LRRC4C: variants seen among roughly 807,000 people sequenced by gnomAD.
LRRC4C encodes leucine-rich repeat-containing protein 4C.
Under a neutral mutation model 33.6 loss-of-function variants are expected in LRRC4C, and 5 were observed. The ratio of observed to expected loss-of-function variants is 0.15; its 90% CI spans 0.08 to 0.31. LRRC4C has a LOEUF of 0.31. Among genes scored for constraint, LRRC4C ranks in the 10% least tolerant of loss-of-function variants. The pLI, the probability that LRRC4C is intolerant of heterozygous loss-of-function variation, is 1.00. For missense variants in LRRC4C, 560 were observed against 796.7 expected (o/e 0.70, Z 3.58); for synonymous variants, 329 against 302.0 (o/e 1.09, Z -0.93).
intron 1 of LRRC4C, among the ~76,000 whole-genome samples, chr11:41,052,709 GAAC>G (rs1288991084): frequency 2.0e-5 from 3 of 152,086 alleles, no homozygotes; most frequent in African/African-American, 4.8e-5. Context: ...GATGAAAAGA[GAAC>G]AACATGATTA....
At position 41,457,286 on chromosome 11, in the gene LRRC4C, CCT is replaced by C. The variant is rs1341848551; in HGVS notation, c.-496+2143_-496+2144del. On this transcript the variant is annotated intron_variant, in intron 1 of 6. Transcript: ENST00000528697. ...ATTCCAGAACGACATTTTTAAAGGA[CCT>C]CTCTCTATTCAGAACAGTCCTAACA... 3.3e-5 allele frequency among the ~76,000 whole-genome samples: 5 copies of C among 152,206 alleles called. No individual in the cohort carries two copies. In the East Asian group the frequency reaches 9.7e-4, roughly 29 times the overall value.
chr11:41,097,207 C>T (rs1940864758), intron 1 of LRRC4C, among the ~76,000 whole-genome samples: 1 of 152,102 alleles, frequency 6.6e-6, no homozygotes, highest in Admixed American at 6.6e-5. Flanking sequence ...AACCCTACTA[C>T]AATCAACATA....
chr11:40,434,549 A>G (rs1277387574), intron 3 of LRRC4C, among the ~76,000 whole-genome samples: 1 of 152,022 alleles, frequency 6.6e-6, no homozygotes, highest in Admixed American at 6.6e-5. Context: ...CAGAACAAAA[A>G]CTCCGTGGGG....
intron 2 of LRRC4C, among the ~76,000 whole-genome samples, chr11:40,822,619 G>T (rs933409435): frequency 6.6e-6 from 1 of 151,672 alleles, no homozygotes; most frequent in South Asian, 2.1e-4. Context: ...CTCCCATGCT[G>T]TAGGTTGGCT....
intron 2 of LRRC4C, among the ~76,000 whole-genome samples, chr11:40,926,065 G>T (rs1230286194): frequency 7.9e-6 from 1 of 127,048 alleles, no homozygotes; most frequent in Non-Finnish European, 1.8e-5. Context: ...CAAATCTAAG[G>T]GTTTTTTGTT....
intron 1 of LRRC4C, among the ~76,000 whole-genome samples, chr11:41,231,294 G>C (rs902696823): frequency 3.9e-5 from 6 of 151,980 alleles, no homozygotes; most frequent in African/African-American, 1.2e-4. Flanking sequence ...AAATCATGCT[G>C]CTATAAAGAC....
At chr11:41,378,920 G>GT (rs113076444) in intron 1 of LRRC4C, among the ~76,000 whole-genome samples, 2,851 of 143,134 alleles carry the variant, frequency 0.02, 89 homozygotes, top group African/African-American at 0.064. Context: ...AGCGGGAAGA[G>GT]TTTTTTTTTT....
intron 1 of LRRC4C, among the ~76,000 whole-genome samples, chr11:40,936,496 C>A (rs573688660): frequency 1.1e-4 from 17 of 151,720 alleles, no homozygotes; most frequent in Non-Finnish European, 2.4e-4. Flanking sequence ...GCCACCACAG[C>A]TGGCTAATTT....
chr11:40,985,477 AT>A (rs527492814), intron 1 of LRRC4C, among the ~76,000 whole-genome samples: 2 of 6,072 alleles, frequency 3.3e-4, no homozygotes, highest in African/African-American at 3.5e-4. Context: ...TATAAAGAAC[AT>A]TTTTTTTTTT....
chr11:40,927,244 C>A (rs888782164), intron 2 of LRRC4C, among the ~76,000 whole-genome samples: 1 of 151,702 alleles, frequency 6.6e-6, no homozygotes, highest in East Asian at 1.9e-4. Context: ...TGTGGTGGTG[C>A]GCACCTACAA....
chr11:40,145,760 C>T (rs61911822), intron 5 of LRRC4C, among the ~76,000 whole-genome samples: 3,167 of 152,288 alleles, frequency 0.021, 55 homozygotes, highest in Non-Finnish European at 0.034. Context: ...AACTTGCTCA[C>T]AGAAAAAATT....
chr11:41,082,870 A>G (rs1203808911), intron 1 of LRRC4C, among the ~76,000 whole-genome samples: 2 of 152,130 alleles, frequency 1.3e-5, no homozygotes, highest in African/African-American at 4.8e-5. Flanking sequence ...GTCTCAAAAA[A>G]TAGCTAGGTT....
At chr11:40,233,658 C>A (rs1292573685) in intron 5 of LRRC4C, among the ~76,000 whole-genome samples, 1 of 152,062 alleles carries the variant, frequency 6.6e-6, no homozygotes, top group Admixed American at 6.5e-5. Context: ...TAGTCTAGTA[C>A]AAGAAACAAT....
intron 3 of LRRC4C, among the ~76,000 whole-genome samples, chr11:40,425,209 G>A (rs1484831333): frequency 6.6e-6 from 1 of 152,070 alleles, no homozygotes; most frequent in Non-Finnish European, 1.5e-5. Context: ...AAGAGATCTA[G>A]TAAAATCCAA....
intron 3 of LRRC4C, among the ~76,000 whole-genome samples, chr11:40,614,439 T>TGCTCTGGATTAAGCTTTGGCTTAAGA (rs142045319): frequency 0.43 from 65,213 of 151,308 alleles, 15,106 homozygotes; most frequent in Middle Eastern, 0.57. Context: ...GAGTGGGTGT[T>TGCTCTGGATTAAGCTTTGGCTTAAGA]GAATGTTGTG....
rs141906741 is a variant in LRRC4C at position 40,418,679 on chromosome 11, T to C, written c.-269-98958A>G. Among the ~76,000 whole-genome samples the C allele has an allele frequency of 5.0e-3, 763 of 152,324 alleles. 5 individuals carry two copies. The highest frequency in any genetic ancestry group is 8.6e-3 in the Non-Finnish European group (587 of 68,028). The stretch of plus-strand genomic sequence containing the variant: ...TGCACACGTATGTTCACTGCAGCAC[T>C]ATTCACAATAGCGAAGGCACGGAAT... On this transcript the variant is annotated intron_variant, in intron 3 of 6. Coordinates refer to ENST00000528697, the MANE Select transcript of LRRC4C (RefSeq NM_001258419.2).
intron 3 of LRRC4C, among the ~76,000 whole-genome samples, chr11:40,514,483 G>A (rs938495087): frequency 6.6e-6 from 1 of 151,864 alleles, no homozygotes; most frequent in Non-Finnish European, 1.5e-5. Context: ...GTGTTTTTAT[G>A]AGGATTACTT....
chr11:40,339,769 G>A (rs1273977563), intron 3 of LRRC4C, among the ~76,000 whole-genome samples: 2 of 152,164 alleles, frequency 1.3e-5, no homozygotes, highest in Non-Finnish European at 2.9e-5. Context: ...CAGCTGGGCA[G>A]TTGAAAAGAC....
At chr11:41,165,198 TG>T (rs1944666231) in intron 1 of LRRC4C, among the ~76,000 whole-genome samples, 1 of 152,094 alleles carries the variant, frequency 6.6e-6, no homozygotes, top group African/African-American at 2.4e-5. Flanking sequence ...TCTCTCAAAC[TG>T]TCTTTTTCTC....
Sources: allele counts gnomAD v4.1 joint callset (sites outside exome capture counted in the v4.1 genomes callset), GRCh38; gene constraint gnomAD v4.1.1; transcripts MANE v1.5; gene names NCBI Gene and HGNC (gene_info 2026-07-23, HGNC 2026-07-21).